MAP3K20: variants seen among roughly 807,000 people sequenced by gnomAD.
MAP3K20 encodes the protein mitogen-activated protein kinase kinase kinase 20, also known as HCCS-4.
Under a neutral mutation model 85.7 loss-of-function variants are expected in MAP3K20, and 40 were observed. The ratio of observed to expected loss-of-function variants is 0.47; its 90% CI spans 0.36 to 0.61. The LOEUF (loss-of-function observed/expected upper bound fraction) is 0.61. Among genes scored for constraint, MAP3K20 ranks in the 20% least tolerant of loss-of-function variants. MAP3K20 has a pLI of 0.00. For missense variants in MAP3K20, 817 were observed against 961.7 expected, an observed-to-expected ratio of 0.85 and a Z score of 1.99; for synonymous variants, 325 against 327.7, an observed-to-expected ratio of 0.99 and a Z score of 0.09.
At chr2:173,240,064 AATG>A (rs750262933) in intron 16 of MAP3K20, among the ~76,000 whole-genome samples, 2 of 152,228 alleles carry the variant, frequency 1.3e-5, no homozygotes, top group East Asian at 3.8e-4. Flanking sequence ...TAATGATAAT[AATG>A]ATAACTTCTG....
intron 1 of MAP3K20, 160 bp from the exon 2 acceptor site, chr2:173,090,838 T>A (rs1687274770): frequency 7.8e-7 from 1 of 1,289,386 alleles, no homozygotes; most frequent in East Asian, 3.1e-5. Flanking sequence ...AGGGTGAGTG[T>A]TTTCGAATTG....
intron 7 of MAP3K20, 121 bp from the exon 8 acceptor site, chr2:173,197,905 T>C: frequency 3.0e-6 from 2 of 663,014 alleles, no homozygotes; most frequent in South Asian, 2.4e-5. Context: ...CCCAAGTTTC[T>C]ACAGTTGGGG....
At position 173,116,497 on chromosome 2, in the gene MAP3K20, C is replaced by T. The variant is rs926651059; in HGVS notation, c.159+25307C>T. Among the ~76,000 whole-genome samples the T allele has an allele frequency of 3.9e-5, 6 of 152,308 alleles. 1 individual carries two copies. The highest frequency in any genetic ancestry group is 1.2e-4 in the African/African-American group (5 of 41,564). The stretch of plus-strand genomic sequence containing the variant: ...TCTTTGACTGAATCAGTTCATTAGC[C>T]ACAGAAACATTAGTTTCATTTTTTC... On this transcript the variant is annotated intron_variant, in intron 2 of 19. Transcript: ENST00000375213.
chr2:173,107,881 A>G (rs1422088050), intron 2 of MAP3K20, among the ~76,000 whole-genome samples: 1 of 152,216 alleles, frequency 6.6e-6, no homozygotes, highest in Non-Finnish European at 1.5e-5. Flanking sequence ...TGATTTCAGC[A>G]GCAGACAGTC....
At chr2:173,140,764 C>T (rs1408422822) in intron 2 of MAP3K20, among the ~76,000 whole-genome samples, 1 of 152,068 alleles carries the variant, frequency 6.6e-6, no homozygotes, top group Non-Finnish European at 1.5e-5. Context: ...TTTCCTGTAT[C>T]TTGACTGTGG....
At position 173,193,836 on chromosome 2, in the gene MAP3K20, G is replaced by A. The variant is rs561679853; in HGVS notation, c.582+2659G>A. On this transcript the variant is annotated intron_variant, in intron 7 of 19. Transcript: ENST00000375213. ...TAGCTTTTCTCTCTACTTGTGTGCTGACCCTACCTTTGCTTAGTTTGGTTT... is the reference window on the plus strand; with the variant it reads ...TAGCTTTTCTCTCTACTTGTGTGCTAACCCTACCTTTGCTTAGTTTGGTTT... 3.1e-4 allele frequency among the ~76,000 whole-genome samples: 47 copies of A among 152,254 alleles called. 1 individual carries two copies. The South Asian group carries it at 9.5e-3, about 31-fold the overall frequency.
intron 2 of MAP3K20, among the ~76,000 whole-genome samples, chr2:173,134,424 A>ATTTTTT (rs1315509260): frequency 1.2e-3 from 6 of 5,036 alleles, no homozygotes; most frequent in South Asian, 0.011. Context: ...ATATATATAT[A>ATTTTTT]TATATTTTTT....
At chr2:173,235,238 T>C (rs1050668492) in intron 14 of MAP3K20, among the ~76,000 whole-genome samples, 3 of 152,176 alleles carry the variant, frequency 2.0e-5, no homozygotes, top group African/African-American at 7.2e-5. Context: ...AGGGAAGTTT[T>C]ATGGGATCAT....
intron 9 of MAP3K20, among the ~76,000 whole-genome samples, chr2:173,205,383 C>A (rs3769159): frequency 0.22 from 33,973 of 151,974 alleles, 4,012 homozygotes; most frequent in South Asian, 0.35. Context: ...CAATATGTTT[C>A]TTTAATGGGA....
chr2:173,211,104 A>C (rs1413333032), intron 10 of MAP3K20: 1 of 152,164 alleles, frequency 6.6e-6, no homozygotes, highest in Non-Finnish European at 1.5e-5. Flanking sequence ...TCTCCTTTAA[A>C]ATCCATATAT....
At chr2:173,263,437 G>A (rs1685340302) in intron 18 of MAP3K20, among the ~76,000 whole-genome samples, 1 of 152,078 alleles carries the variant, frequency 6.6e-6, no homozygotes, top group Non-Finnish European at 1.5e-5. Context: ...TAAATTCTGG[G>A]AAAAGACAAC....
intron 11 of MAP3K20, chr2:173,226,944 T>C: frequency 2.0e-6 from 2 of 985,310 alleles, no homozygotes; most frequent in Non-Finnish European, 2.4e-6. Flanking sequence ...TGTATAATGT[T>C]TGTATGGAAG....
intron 16 of MAP3K20, among the ~76,000 whole-genome samples, chr2:173,252,104 C>A (rs575629216): frequency 7.2e-5 from 11 of 152,224 alleles, no homozygotes; most frequent in African/African-American, 2.6e-4. Flanking sequence ...TATCTTATTT[C>A]TTTTTATTCC....
chr2:173,179,061 G>A (rs1690248664), intron 3 of MAP3K20, among the ~76,000 whole-genome samples: 1 of 152,100 alleles, frequency 6.6e-6, no homozygotes, highest in Non-Finnish European at 1.5e-5. Flanking sequence ...ATCATTTCAA[G>A]ATTCAGAAAA....
intron 2 of MAP3K20, among the ~76,000 whole-genome samples, chr2:173,162,457 G>A (rs767839049): frequency 1.1e-4 from 17 of 152,132 alleles, no homozygotes; most frequent in African/African-American, 2.4e-4. Context: ...AGGCTGAGGC[G>A]GGCGGCTCAC....
intron 2 of MAP3K20, among the ~76,000 whole-genome samples, chr2:173,126,539 C>G (rs1688449952): frequency 6.6e-6 from 1 of 152,086 alleles, no homozygotes; most frequent in Non-Finnish European, 1.5e-5. Context: ...ACCATCACAC[C>G]TAGCTAATTT....
intron 2 of MAP3K20, among the ~76,000 whole-genome samples, chr2:173,143,189 C>G (rs1334081912): frequency 6.6e-6 from 1 of 152,032 alleles, no homozygotes; most frequent in African/African-American, 2.4e-5. Context: ...TGTAGTGGCT[C>G]TATTAATATC....
intron 5 of MAP3K20, among the ~76,000 whole-genome samples, chr2:173,190,272 A>G (rs1690610391): frequency 6.6e-6 from 1 of 152,092 alleles, no homozygotes; most frequent in Admixed American, 6.6e-5. Context: ...CTTTGGCTCT[A>G]TAGTATTGTT....
At position 173,086,974 on chromosome 2, in the gene MAP3K20, G is replaced by A. The variant is rs1048287124; in HGVS notation, c.-34-4024G>A. ...ATCAGGATTTGCTTCAGAACCCTCCGGGGCACTTGTAAAAATTACACACCT... is the reference window on the plus strand; with the variant it reads ...ATCAGGATTTGCTTCAGAACCCTCCAGGGCACTTGTAAAAATTACACACCT... On this transcript the variant is annotated intron_variant, in intron 1 of 19. Transcript: ENST00000375213. 4.6e-5 allele frequency among the ~76,000 whole-genome samples: 7 copies of A among 152,168 alleles called. No homozygotes were observed. The South Asian group carries it at 8.3e-4, about 18-fold the overall frequency.
Sources: gnomAD v4.1 joint callset for allele counts (sites outside exome capture counted in the v4.1 genomes callset) on GRCh38, gnomAD v4.1.1 for gene constraint, MANE v1.5 for transcripts, NCBI Gene and HGNC (gene_info 2026-07-23, HGNC 2026-07-21) for gene names.